B4GALNT3: variants seen among roughly 807,000 people sequenced by gnomAD.
B4GALNT3 encodes the protein beta-1,4-N-acetylgalactosaminyltransferase 3.
In B4GALNT3, 86 loss-of-function variants were observed where a neutral mutation model predicts 120.2. The ratio of observed to expected loss-of-function variants is 0.72; its 90% CI spans 0.60 to 0.86. The LOEUF is 0.86. B4GALNT3 is among the 40% of genes least tolerant of loss of function. The probability of loss-of-function intolerance (pLI) is 0.00; values close to 1 mark genes in which losing one functional copy is unlikely to be tolerated. For missense variants in B4GALNT3, 1,167 were observed against 1,298.9 expected, an observed-to-expected ratio of 0.90 and a Z score of 1.56; for synonymous variants, 518 against 510.4, an observed-to-expected ratio of 1.01 and a Z score of -0.20.
chr12:496,787 CTG>C (rs1946393238), intron 1 of B4GALNT3, among the ~76,000 whole-genome samples: 1 of 152,210 alleles, frequency 6.6e-6, no homozygotes, highest in African/African-American at 2.4e-5. Context: ...CCTTCTGCGT[CTG>C]TGGATTTACC....
chr12:469,183 C>A (rs4980826), intron 1 of B4GALNT3, among the ~76,000 whole-genome samples: 62,157 of 151,866 alleles, frequency 0.41, 12,769 homozygotes, highest in Middle Eastern at 0.48. Flanking sequence ...GGCAAGGTTC[C>A]AGTTCAAGCG....
intron 1 of B4GALNT3, among the ~76,000 whole-genome samples, chr12:491,953 G>T (rs1946343486): frequency 6.6e-6 from 1 of 151,670 alleles, no homozygotes; most frequent in Non-Finnish European, 1.5e-5. Flanking sequence ...AGCTACTCGG[G>T]AGGCTGAGGC....
chr12:549,526 T>C (rs76942929), intron 9 of B4GALNT3, among the ~76,000 whole-genome samples: 3,642 of 152,320 alleles, frequency 0.024, 119 homozygotes, highest in African/African-American at 0.07. Flanking sequence ...AAGAGGTGTC[T>C]TTTTCCGAGT....
At chr12:542,319 G>A (rs900608116) in intron 3 of B4GALNT3, among the ~76,000 whole-genome samples, 3 of 152,142 alleles carry the variant, frequency 2.0e-5, no homozygotes, top group East Asian at 1.9e-4. Flanking sequence ...CTGGGACCTC[G>A]GGCACTCCTG....
chr12:495,538 T>G (rs1946380434), intron 1 of B4GALNT3, among the ~76,000 whole-genome samples: 1 of 152,220 alleles, frequency 6.6e-6, no homozygotes, highest in Non-Finnish European at 1.5e-5. Context: ...TGGAAGTACC[T>G]GCTGTGTTTC....
intron 1 of B4GALNT3, among the ~76,000 whole-genome samples, chr12:483,447 A>AT (rs1210270690): frequency 6.6e-6 from 1 of 152,136 alleles, no homozygotes; most frequent in Non-Finnish European, 1.5e-5. Flanking sequence ...CTGTAATCCC[A>AT]TAACTTTGGG....
At chr12:545,602 C>T (rs2120695973) in intron 6 of B4GALNT3, 133 bp downstream of exon 6, 1 of 866,548 alleles carries the variant, frequency 1.2e-6, no homozygotes, top group Admixed American at 2.4e-5. Flanking sequence ...GAAGTCTCCT[C>T]CCTCACCCCT....
intron 18 of B4GALNT3, among the ~76,000 whole-genome samples, 168 bp from the exon 19 acceptor site, chr12:559,127 T>C (rs867899109): frequency 2.0e-5 from 3 of 152,070 alleles, no homozygotes; most frequent in Non-Finnish European, 4.4e-5. Flanking sequence ...GTTAGGGGTC[T>C]TTCCTCCAAA....
intron 1 of B4GALNT3, among the ~76,000 whole-genome samples, chr12:485,576 C>A (rs190682607): frequency 6.6e-6 from 1 of 152,112 alleles, no homozygotes; most frequent in African/African-American, 2.4e-5. Context: ...CTTCGGCTGG[C>A]GACTGAGAAT....
intron 1 of B4GALNT3, among the ~76,000 whole-genome samples, chr12:513,177 CCTT>C (rs1244950559): frequency 6.4e-5 from 8 of 125,700 alleles, no homozygotes; most frequent in African/African-American, 1.2e-4. Flanking sequence ...CCACCTTCCA[CCTT>C]CTTCCACCTT....
chr12:497,007 C>A (rs2159600), intron 1 of B4GALNT3, among the ~76,000 whole-genome samples: 133,148 of 152,114 alleles, frequency 0.88, 58,572 homozygotes, highest in East Asian at 1. Flanking sequence ...CCTTCACTTT[C>A]AATTTTTTGT....
intron 1 of B4GALNT3, among the ~76,000 whole-genome samples, chr12:489,617 C>T (rs215235): frequency 0.17 from 26,527 of 152,156 alleles, 2,776 homozygotes; most frequent in Middle Eastern, 0.37. Context: ...ATATACCATG[C>T]TAACACTAAT....
chr12:548,174 T>C lies in B4GALNT3; in HGVS notation c.787-57T>C. The C allele has an allele frequency of 2.5e-6, 4 of 1,608,112 alleles. No individual in the cohort carries two copies. In the South Asian group the frequency reaches 4.4e-5, roughly 18 times the overall value. ...TCATCTCCCCTTGTCCCTTGACCCCTGTTGGAAATCCAGCTACCTCCCACC... is the reference window on the plus strand; with the variant it reads ...TCATCTCCCCTTGTCCCTTGACCCCCGTTGGAAATCCAGCTACCTCCCACC... On this transcript the variant is annotated intron_variant, in intron 8 of 19. Coordinates refer to ENST00000266383, the MANE Select transcript of B4GALNT3 (RefSeq NM_173593.4). The surrounding 1 kb of genome is among the most constrained non-coding windows in gnomAD (Gnocchi z 4.9).
chr12:491,110 A>G (rs1181693361), intron 1 of B4GALNT3, among the ~76,000 whole-genome samples: 3 of 152,240 alleles, frequency 2.0e-5, no homozygotes, highest in Non-Finnish European at 4.4e-5. Flanking sequence ...TCTTATGAAC[A>G]TAGATGCAAA....
At chr12:507,023 C>G (rs1371044125) in intron 1 of B4GALNT3, among the ~76,000 whole-genome samples, 1 of 152,234 alleles carries the variant, frequency 6.6e-6, no homozygotes, top group Non-Finnish European at 1.5e-5. Flanking sequence ...TCTCACTTTG[C>G]TCACACCCAG....
intron 3 of B4GALNT3, among the ~76,000 whole-genome samples, chr12:537,101 C>A (rs1946868570): frequency 6.6e-6 from 1 of 152,158 alleles, no homozygotes; most frequent in Admixed American, 6.5e-5. Flanking sequence ...TTGCTTTTTT[C>A]CATGAAATGC....
chr12:549,944 C>T, intron 10 of B4GALNT3, 32 bp downstream of exon 10: 1 of 1,575,284 alleles, frequency 6.3e-7, no homozygotes, highest in Middle Eastern at 2.0e-4. Flanking sequence ...GGCGTCCTTT[C>T]TGGGGACACT....
chr12:548,778 C>T lies in B4GALNT3; in HGVS notation c.853+481C>T, dbSNP rs576806392. ...TTAAAAAATTAACTGGGTGTGGTGG[C>T]GCATGCCTGTAGTCACAGCTACTGG... On this transcript the variant is annotated intron_variant, in intron 9 of 19. Coordinates refer to ENST00000266383, the MANE Select transcript of B4GALNT3 (RefSeq NM_173593.4). The surrounding 1 kb of genome is among the most constrained non-coding windows in gnomAD (Gnocchi z 4.9). Among the ~76,000 whole-genome samples the T allele has an allele frequency of 6.2e-4, 94 of 152,202 alleles. No homozygotes were observed. Among genetic ancestry groups the T allele is most frequent in the African/African-American group, 2.3e-3 (94 of 41,518 alleles).
Position 460,614 on chromosome 12 carries a change from AC to A in B4GALNT3, c.169+72del. On this transcript the variant is annotated intron_variant, in intron 1 of 19. Coordinates refer to ENST00000266383, the MANE Select transcript of B4GALNT3 (RefSeq NM_173593.4). This position sits in a 1 kb window ranked among gnomAD's most constrained non-coding sequence, Gnocchi z 8.0. Reference sequence around the variant, plus strand: ...CGGCGGCGGCTCCTGCGTTGGGGGGACCCGCCTCTCATCCCATCCTCAGACC... The same window carrying A: ...CGGCGGCGGCTCCTGCGTTGGGGGGACCGCCTCTCATCCCATCCTCAGACC... The A allele has an allele frequency of 2.4e-6, 3 of 1,249,728 alleles. No individual in the cohort carries two copies. The highest frequency in any genetic ancestry group is 3.1e-6 in the Non-Finnish European group (3 of 981,944). The allele number at this position is 1,249,728 out of a possible 1,614,324, so 77.4% of individuals were successfully genotyped here. A position where few individuals can be genotyped will look rare whatever the true frequency, so the allele number is the denominator to read the frequency against.
Sources: gnomAD v4.1 joint callset for allele counts (sites outside exome capture counted in the v4.1 genomes callset) on GRCh38, gnomAD v4.1.1 for gene constraint, Gnocchi (gnomAD v3.1) non-coding constraint, MANE v1.5 for transcripts, NCBI Gene and HGNC (gene_info 2026-07-23, HGNC 2026-07-21) for gene names.